ARHGEF17: variants seen among roughly 807,000 people sequenced by gnomAD.
The protein encoded by ARHGEF17 is 164 kDa Rho-specific guanine-nucleotide exchange factor.
A neutral mutation model predicts 174.0 loss-of-function variants in ARHGEF17; 80 were observed. That is an observed-to-expected ratio of 0.46 (90% CI 0.38 to 0.55). The LOEUF (loss-of-function observed/expected upper bound fraction) is 0.55, where lower values mean the gene tolerates loss of function less well. Ranked by LOEUF, ARHGEF17 falls within the 20% of genes least tolerant of loss-of-function variation. ARHGEF17 has a pLI of 0.00. For missense variants in ARHGEF17, 2,886 were observed against 2,839.7 expected (o/e 1.02, Z -0.37); for synonymous variants, 1,311 against 1,189.1 (o/e 1.10, Z -2.11).
At chr11:73,328,821 C>T (rs1865144321) in intron 1 of ARHGEF17, among the ~76,000 whole-genome samples, 1 of 152,120 alleles carries the variant, frequency 6.6e-6, no homozygotes, top group South Asian at 2.1e-4. Context: ...CAGACTGAGA[C>T]AGGAACATCA....
chr11:73,369,016 C>G lies in ARHGEF17; in HGVS notation c.*1236C>G, dbSNP rs556729470. ...GTCTTAGATTATGTTTCTCTTGCTA[C>G]CAAACAGTCATGTATTAACTCTCTT... On this transcript the variant is annotated 3_prime_UTR_variant, in exon 21 of 21. Transcript: ENST00000263674. 8.5e-5 allele frequency: 13 copies of G among 152,520 alleles called. No homozygotes were observed. The highest frequency in any genetic ancestry group is 1.8e-4 in the Non-Finnish European group (12 of 68,036). 9.4% of individuals were successfully genotyped at this position (152,520 alleles called of 1,614,324 possible).
intron 20 of ARHGEF17, 69 bp downstream of exon 20, chr11:73,366,016 C>G (rs1224498823): frequency 6.5e-7 from 1 of 1,537,084 alleles, no homozygotes; most frequent in Non-Finnish European, 8.8e-7. Flanking sequence ...CACTATCCTG[C>G]CAGAAGAGCT....
intron 20 of ARHGEF17, among the ~76,000 whole-genome samples, chr11:73,366,837 C>G (rs1211226762): frequency 1.3e-5 from 2 of 151,696 alleles, no homozygotes; most frequent in South Asian, 4.2e-4. Context: ...GTCAGGAGTT[C>G]GAGACCAGCC....
chr11:73,363,310 G>T lies in ARHGEF17; in HGVS notation c.5101G>T (p.Gly1701Cys). The T allele has an allele frequency of 6.2e-7, 1 of 1,612,698 alleles. No individual in the cohort carries two copies. ...ACTGTCTGGCTCCTTTGGGCCTGGT[G>T]GTCCCTGCGGCACCAGCCCAATGGA... Reference protein sequence around the residue: ...LPLSGSFGPGGPCGTSPMDGR... With the variant: ...LPLSGSFGPGCPCGTSPMDGR... The change falls in exon 15 of 21, where the codon GGT (glycine) becomes TGT (cysteine). Residue 1701 changes from glycine to cysteine, a missense_variant. Physicochemically the swap from Gly to Cys is radical, Grantham distance 159 (BLOSUM62 -3). This residue lies in a region of ARHGEF17 where 476 missense variants were observed against 473.1 expected (regional missense o/e 1.01). Coordinates refer to ENST00000263674, the MANE Select transcript of ARHGEF17 (RefSeq NM_014786.4).
Position 73,310,767 on chromosome 11 carries a change from G to C in ARHGEF17, c.2129G>C (p.Arg710Pro). 1 of 1,611,370 alleles carries C rather than the reference G, an allele frequency of 6.2e-7. No individual in the cohort carries two copies. The highest frequency in any genetic ancestry group is 2.2e-5 in the East Asian group (1 of 44,822). Residue 710 changes from arginine (R) to proline (P), a missense_variant, in exon 1 of 21, where the codon CGC becomes CCC. Transcript: ENST00000263674. The stretch of plus-strand genomic sequence containing the variant: ...ACACCAGGTGCCCTCCGCCGACGAC[G>C]CAAAGTCCCACCTTCAGGTTCTGGT... ...PPTPGALRRR[R>P]KVPPSGSGGS...
chr11:73,331,677 A>G (rs1024124210), intron 1 of ARHGEF17, among the ~76,000 whole-genome samples: 2 of 152,128 alleles, frequency 1.3e-5, no homozygotes, highest in Non-Finnish European at 2.9e-5. Flanking sequence ...TGTTTTCCAA[A>G]GGAGAAAATG....
In ARHGEF17 at chr11:73,362,436, GCCT is replaced by G. The variant is rs767219233; in HGVS notation, c.4704_4706del (p.Pro1569del). Reference sequence around the variant, plus strand: ...TCCTCACTCCGTCTTCTCGCAGGGAGCCTCCTCCGTCGCTGAGGAGTCCTCCAG... The same window carrying G: ...TCCTCACTCCGTCTTCTCGCAGGGAGCCTCCGTCGCTGAGGAGTCCTCCAG... On this transcript the variant is annotated inframe_deletion, in exon 14 of 21. Transcript: ENST00000263674. 3.9e-6 allele frequency: 6 copies of G among 1,555,006 alleles called. No individual in the cohort carries two copies. In the South Asian group the frequency reaches 5.9e-5, roughly 15 times the overall value.
chr11:73,363,493 A>C (rs763394611), intron 15 of ARHGEF17, 38 bp downstream of exon 15: 6 of 1,584,884 alleles, frequency 3.8e-6, no homozygotes, highest in Non-Finnish European at 5.2e-6. Context: ...CAGTGCCAGA[A>C]CTCTGAGCTC....
chr11:73,355,421 C>A, intron 3 of ARHGEF17, 112 bp from the exon 4 acceptor site: 1 of 721,296 alleles, frequency 1.4e-6, no homozygotes. Context: ...GAGATTGTAT[C>A]ATTTCTAGTT....
In ARHGEF17 at chr11:73,364,792, C is replaced by T. The variant is rs2134423988; in HGVS notation, c.5550+192C>T. On this transcript the variant is annotated intron_variant, in intron 18 of 20. Coordinates refer to ENST00000263674, the MANE Select transcript of ARHGEF17 (RefSeq NM_014786.4). ...TTTCTTCTGTAGCTGATGAGGAATA[C>T]AGTAAGTGTCCCATATACATTAGGA... The T allele has an allele frequency of 5.9e-6, 4 of 674,786 alleles. No individual in the cohort carries two copies. In the South Asian group the frequency reaches 9.2e-5, roughly 16 times the overall value. The allele number at this position is 674,786 out of a possible 1,614,324, so 41.8% of individuals were successfully genotyped here. A position where few individuals can be genotyped will look rare whatever the true frequency, so the allele number is the denominator to read the frequency against.
chr11:73,309,858 G>A lies in ARHGEF17; in HGVS notation c.1220G>A (p.Ser407Asn). Residue 407 changes from serine to asparagine, a missense_variant, in exon 1 of 21, where the codon AGT becomes AAT. Physicochemically the swap from Ser to Asn is conservative, Grantham distance 46 (BLOSUM62 1). This residue lies in a region of ARHGEF17 where 1,728 missense variants were observed against 1,461.2 expected (regional missense o/e 1.18). Transcript: ENST00000263674. Reference protein sequence around the residue: ...ETLKDDDLWSSRGSGGWGVYR... With the variant: ...ETLKDDDLWSNRGSGGWGVYR... ...CTCAAGGACGACGACCTATGGTCTA[G>A]TAGGGGTTCTGGGGGCTGGGGCGTG... The A allele has an allele frequency of 6.2e-7, 1 of 1,613,242 alleles. No individual in the cohort carries two copies. Among genetic ancestry groups the A allele is most frequent in the Non-Finnish European group, 8.5e-7 (1 of 1,180,014 alleles).
intron 16 of ARHGEF17, 127 bp from the exon 17 acceptor site, chr11:73,364,045 G>A (rs958649474): frequency 8.9e-7 from 1 of 1,119,132 alleles, no homozygotes; most frequent in African/African-American, 1.5e-5. Context: ...CCCCCACCTG[G>A]AGAACAAGGG....
At chr11:73,367,210 G>T (rs530532211) in intron 20 of ARHGEF17, among the ~76,000 whole-genome samples, 1 of 152,196 alleles carries the variant, frequency 6.6e-6, no homozygotes, top group Admixed American at 6.5e-5. Flanking sequence ...GAAGACTTAA[G>T]CTACCTGGGA....
At chr11:73,359,522 T>C (rs985984198) in intron 9 of ARHGEF17, among the ~76,000 whole-genome samples, 4 of 152,210 alleles carry the variant, frequency 2.6e-5, no homozygotes, top group African/African-American at 7.2e-5. Flanking sequence ...AGCAGTTCCG[T>C]GTCAGCCAGG....
chr11:73,331,664 A>G (rs1370424679), intron 1 of ARHGEF17, among the ~76,000 whole-genome samples: 2 of 152,096 alleles, frequency 1.3e-5, no homozygotes, highest in Non-Finnish European at 2.9e-5. Context: ...CTGGCTTCTC[A>G]TTTGTTTTCC....
At chr11:73,359,785 G>A in intron 9 of ARHGEF17, 49 bp from the exon 10 acceptor site, 1 of 1,467,306 alleles carries the variant, frequency 6.8e-7, no homozygotes, top group South Asian at 1.4e-5. Flanking sequence ...GTCCCAGCCT[G>A]ACCTTGTCTG....
rs1409558237 is a variant in ARHGEF17, at chr11:73,308,599, G to T, written c.-40G>T. On this transcript the variant is annotated 5_prime_UTR_variant, in exon 1 of 21. Coordinates refer to ENST00000263674, the MANE Select transcript of ARHGEF17 (RefSeq NM_014786.4). Reference sequence around the variant, plus strand: ...GGGGGCGCAGGGGGGGTTGGCCGCGGCTGCCCGAGGCCAGCCCCCCCGGAG... The same window carrying T: ...GGGGGCGCAGGGGGGGTTGGCCGCGTCTGCCCGAGGCCAGCCCCCCCGGAG... 3.2e-5 allele frequency: 45 copies of T among 1,395,130 alleles called. No homozygotes were observed. The highest frequency in any genetic ancestry group is 4.1e-5 in the Non-Finnish European group (44 of 1,079,270). 86.4% of individuals were successfully genotyped at this position (1,395,130 alleles called of 1,614,324 possible).
chr11:73,321,029 C>T (rs1298027703), intron 1 of ARHGEF17, among the ~76,000 whole-genome samples: 11 of 152,182 alleles, frequency 7.2e-5, no homozygotes, highest in Admixed American at 7.2e-4. Context: ...AGAAATGTTA[C>T]CTCCTCCCCT....
Position 73,367,851 on chromosome 11 carries a change from C to A in ARHGEF17, c.*71C>A. ...CCTGCTTGCCTCTCCCTAGCCCACA[C>A]GCAGACTTTGACCAGGAGTATCCAG... On this transcript the variant is annotated 3_prime_UTR_variant, in exon 21 of 21. Transcript: ENST00000263674. 3 of 1,487,528 alleles carry A rather than the reference C, an allele frequency of 2.0e-6. No individual in the cohort carries two copies. Among genetic ancestry groups the A allele is most frequent in the African/African-American group, 1.4e-5 (1 of 72,632 alleles). 92.1% of individuals were successfully genotyped at this position (1,487,528 alleles called of 1,614,324 possible).
Sources: allele counts gnomAD v4.1 joint callset (sites outside exome capture counted in the v4.1 genomes callset), GRCh38; gene constraint gnomAD v4.1.1; regional missense constraint gnomAD v4.1.1; transcripts MANE v1.5; gene names NCBI Gene and HGNC (gene_info 2026-07-23, HGNC 2026-07-21).